Variants in DENND1C observed in about 807,000 individuals in gnomAD.
DENND1C encodes DENN domain-containing protein 1C.
A neutral mutation model predicts 87.9 loss-of-function variants in DENND1C; 64 were observed. The ratio of observed to expected loss-of-function variants is 0.73; its 90% CI spans 0.60 to 0.90. The LOEUF is 0.90. Ranked by LOEUF, DENND1C falls within the 40% of genes least tolerant of loss-of-function variation. The pLI, the probability that DENND1C is intolerant of heterozygous loss-of-function variation, is 0.00. For missense variants in DENND1C, 980 were observed against 1,037.0 expected (o/e 0.95, Z 0.76); for synonymous variants, 384 against 424.4 (o/e 0.90, Z 1.17).
At chr19:6,472,055 C>T (rs2092832343) in intron 15 of DENND1C, among the ~76,000 whole-genome samples, 1 of 152,192 alleles carries the variant, frequency 6.6e-6, no homozygotes, top group Non-Finnish European at 1.5e-5. Context: ...TGATTTCTGC[C>T]CCCTCTAGAA....
rs562218680 is a variant in DENND1C at position 6,475,077 on chromosome 19, C to T, written c.1053+197G>A. Among the ~76,000 whole-genome samples the T allele has an allele frequency of 2.0e-5, 3 of 152,134 alleles. No individual in the cohort carries two copies. In the South Asian group the frequency reaches 6.2e-4, roughly 32 times the overall value. Reference sequence around the variant, plus strand: ...ACAAACAAACAAACAACAACAACAACAAACGGGAGGGGTCTCACTGTGTTG... The same window carrying T: ...ACAAACAAACAAACAACAACAACAATAAACGGGAGGGGTCTCACTGTGTTG... On this transcript the variant is annotated intron_variant, in intron 14 of 22. Transcript: ENST00000381480.
chr19:6,473,455 G>GT (rs1568396646), intron 14 of DENND1C, among the ~76,000 whole-genome samples: 30,407 of 134,480 alleles, frequency 0.23, 4,118 homozygotes, highest in East Asian at 0.33. Flanking sequence ...GCCCAGCCCT[G>GT]GTTTTTTTTT....
rs187142640 is a variant in DENND1C at position 6,469,476 on chromosome 19, G to C, written c.1407+120C>G. The C allele has an allele frequency of 3.3e-6, 3 of 917,378 alleles. No homozygotes were observed. The African/African-American group carries it at 4.9e-5, about 15-fold the overall frequency. 56.8% of individuals were successfully genotyped at this position (917,378 alleles called of 1,614,324 possible). ...TTAACTATTTTTTTGTAGAGACAAGGCCCCACTATATTGCCCAAGCTGGTC... is the reference window on the plus strand; with the variant it reads ...TTAACTATTTTTTTGTAGAGACAAGCCCCCACTATATTGCCCAAGCTGGTC... On this transcript the variant is annotated intron_variant, in intron 19 of 22. Transcript: ENST00000381480.
chr19:6,478,841 C>T lies in DENND1C; in HGVS notation c.308G>A (p.Trp103Ter). 1 of 1,613,802 alleles carries T rather than the reference C, an allele frequency of 6.2e-7. No homozygotes were observed. The highest frequency in any genetic ancestry group is 8.5e-7 in the Non-Finnish European group (1 of 1,179,826). Residue 103 changes from tryptophan (W) to a stop codon, truncating the protein, a stop_gained, in exon 6 of 23, where the codon TGG becomes TAG. Coordinates refer to ENST00000381480, the MANE Select transcript of DENND1C (RefSeq NM_024898.4). LOFTEE classifies it high-confidence loss of function. Reference protein sequence around the residue: ...SCLCILSHLPWFEVFYKLLNT... With the variant: ...SCLCILSHLP ...CAATAGCTTGTAAAACACCTCGAAC[C>T]AAGGCAGGTGGCTGTGGAGAGAGGA... is the stretch of plus-strand genomic sequence containing the variant.
chr19:6,481,575 CA>C, intron 1 of DENND1C, 103 bp downstream of exon 1: 1 of 1,544,642 alleles, frequency 6.5e-7, no homozygotes, highest in Non-Finnish European at 8.8e-7. Context: ...CCTGGCAGGT[CA>C]CTGCACCTCC....
chr19:6,479,748 G>A lies in DENND1C; in HGVS notation c.127-30C>T, dbSNP rs760469261. The A allele has an allele frequency of 8.7e-6, 14 of 1,613,760 alleles. No homozygotes were observed. In the Admixed American group the frequency reaches 2.2e-4, roughly 25 times the overall value. Reference sequence around the variant, plus strand: ...AGGTGAAGAAAAGCGCAGACTGCTTGGCCACTGAGGTCGGGCACCACCTCC... The same window carrying A: ...AGGTGAAGAAAAGCGCAGACTGCTTAGCCACTGAGGTCGGGCACCACCTCC... On this transcript the variant is annotated intron_variant, in intron 3 of 22. Transcript: ENST00000381480.
At chr19:6,478,128 G>A (rs9653137) in intron 6 of DENND1C, among the ~76,000 whole-genome samples, 10,570 of 152,160 alleles carry the variant, frequency 0.069, 428 homozygotes, top group East Asian at 0.11. Context: ...AGGCTGGAGT[G>A]CAGTGCTGCG....
At chr19:6,469,167 G>T (rs533944747) in intron 19 of DENND1C, among the ~76,000 whole-genome samples, 1 of 152,144 alleles carries the variant, frequency 6.6e-6, no homozygotes, top group Non-Finnish European at 1.5e-5. Flanking sequence ...AAGTAGCTGG[G>T]ATTACAGGCG....
At chr19:6,476,827 C>T in intron 10 of DENND1C, 30 bp downstream of exon 10, 1 of 1,596,818 alleles carries the variant, frequency 6.3e-7, no homozygotes, top group Non-Finnish European at 8.5e-7. Flanking sequence ...AGGCCCTGCT[C>T]CCACCCCGGC....
chr19:6,469,765 C>G, intron 18 of DENND1C, 125 bp from the exon 19 acceptor site: 1 of 917,016 alleles, frequency 1.1e-6, no homozygotes, highest in Non-Finnish European at 1.7e-6. Context: ...ACGTTCACCA[C>G]CCCCCATACA....
chr19:6,475,774 C>A, intron 11 of DENND1C, 23 bp from the exon 12 acceptor site: 2 of 1,539,708 alleles, frequency 1.3e-6, no homozygotes, highest in Admixed American at 2.0e-5. Context: ...GGGACGGGGT[C>A]ATGCAGGCAC....
At chr19:6,470,662 C>T (rs1215740900) in intron 17 of DENND1C, among the ~76,000 whole-genome samples, 34 of 124,826 alleles carry the variant, frequency 2.7e-4, no homozygotes, top group African/African-American at 8.9e-4. Context: ...TGCTCTGTTA[C>T]CCAGGCTGGA....
Position 6,467,454 on chromosome 19 carries a change from GC to G in DENND1C, c.*49del. ...CCAGGAAAAAAACCAGCTTTTTTGG[GC>G]TCTTGTGGCTTTATTGAGGGACTGG... On this transcript the variant is annotated 3_prime_UTR_variant, in exon 23 of 23. Coordinates refer to ENST00000381480, the MANE Select transcript of DENND1C (RefSeq NM_024898.4). 1 of 1,467,848 alleles carries G rather than the reference GC, an allele frequency of 6.8e-7. No individual in the cohort carries two copies. Among genetic ancestry groups the G allele is most frequent in the Non-Finnish European group, 9.0e-7 (1 of 1,108,458 alleles). 90.9% of individuals were successfully genotyped at this position (1,467,848 alleles called of 1,614,324 possible).
At chr19:6,478,068 C>T (rs978487492) in intron 6 of DENND1C, among the ~76,000 whole-genome samples, 5 of 151,846 alleles carry the variant, frequency 3.3e-5, no homozygotes, top group African/African-American at 1.2e-4. Flanking sequence ...GAGGAAGACT[C>T]CATCTAAAAG....
rs762072805 is a variant in DENND1C, at chr19:6,467,714, G to A, written c.2196C>T (p.Ser732=). The change falls in exon 23 of 23, where the codon TCC becomes TCT. Residue 732 remains serine, a synonymous_variant. Coordinates refer to ENST00000381480, the MANE Select transcript of DENND1C (RefSeq NM_024898.4). The part of the protein sequence containing the change: ...TKPNFDIAWT[S]QPLDPSSDPS... ...GGTCTGAGGAAGGATCAAGGGGCTG[G>A]GACGTCCAGGCTATATCAAAGTTGG... 3 of 1,521,638 alleles carry A rather than the reference G, an allele frequency of 2.0e-6. No homozygotes were observed. The highest frequency in any genetic ancestry group is 4.5e-5 in the East Asian group (2 of 44,034). The allele number at this position is 1,521,638 out of a possible 1,614,324, so 94.3% of individuals were successfully genotyped here. A position where few individuals can be genotyped will look rare whatever the true frequency, so the allele number is the denominator to read the frequency against.
intron 6 of DENND1C, 22 bp from the exon 7 acceptor site, chr19:6,477,480 G>A (rs755135814): frequency 1.9e-6 from 3 of 1,606,704 alleles, no homozygotes; most frequent in Admixed American, 1.7e-5. Context: ...GTGGAGGGGC[G>A]GGGGTGGCTG....
intron 9 of DENND1C, 22 bp from the exon 10 acceptor site, chr19:6,476,989 T>C (rs376478406): frequency 6.2e-7 from 1 of 1,613,666 alleles, no homozygotes; most frequent in Non-Finnish European, 8.5e-7. Flanking sequence ...AGAGTCGCTC[T>C]GGGCGTGGAC....
chr19:6,468,840 T>C lies in DENND1C; in HGVS notation c.1515+6A>G. The C allele has an allele frequency of 6.6e-7, 1 of 1,509,220 alleles. No individual in the cohort carries two copies. Among genetic ancestry groups the C allele is most frequent in the Non-Finnish European group, 8.8e-7 (1 of 1,134,568 alleles). 93.5% of individuals were successfully genotyped at this position (1,509,220 alleles called of 1,614,324 possible). A position where few individuals can be genotyped will look rare whatever the true frequency, so the allele number is the denominator to read the frequency against. ...GGTGTGTGCATGGGGGGAGGGGCGC[T>C]CTCACCTTTCCAAAGTGCTGAGTGA... On this transcript the variant is annotated splice_donor_region_variant and intron_variant, in intron 20 of 22. Transcript: ENST00000381480.
chr19:6,479,768 A>G lies in DENND1C; in HGVS notation c.127-50T>C, dbSNP rs757009966. On this transcript the variant is annotated intron_variant, in intron 3 of 22. Coordinates refer to ENST00000381480, the MANE Select transcript of DENND1C (RefSeq NM_024898.4). ...TGCTTGGCCACTGAGGTCGGGCACC[A>G]CCTCCCTGGGCTCCAGGTCCAAGAA... 1.1e-5 allele frequency: 17 copies of G among 1,613,638 alleles called. No individual in the cohort carries two copies. In the East Asian group the frequency reaches 3.6e-4, roughly 34 times the overall value.
Sources: allele counts gnomAD v4.1 joint callset (sites outside exome capture counted in the v4.1 genomes callset), GRCh38; gene constraint gnomAD v4.1.1; transcripts MANE v1.5; gene names NCBI Gene and HGNC (gene_info 2026-07-23, HGNC 2026-07-21).